Variants in DOCK9 observed in about 807,000 individuals in gnomAD.
The protein encoded by DOCK9 is dedicator of cytokinesis 9.
In DOCK9, 89 loss-of-function variants were observed where a neutral mutation model predicts 263.3. That is an observed-to-expected ratio of 0.34 (90% CI 0.28 to 0.40). The LOEUF (loss-of-function observed/expected upper bound fraction) is 0.40, where lower values mean the gene tolerates loss of function less well. DOCK9 is among the 10% of genes least tolerant of loss of function. The pLI is 1.00. For missense variants in DOCK9, 2,140 were observed against 2,603.4 expected (o/e 0.82, Z 3.87); for synonymous variants, 976 against 973.1 (o/e 1.00, Z -0.06).
chr13:98,806,853 G>C lies in DOCK9; in HGVS notation c.5514+808C>G, dbSNP rs549846782. ...GAACCCAGGAGGCAGAGATTGCAGT[G>C]AGCTGAGATAGCGCCACTGCACTCC... On this transcript the variant is annotated intron_variant, in intron 48 of 52. Transcript: ENST00000682017. Among the ~76,000 whole-genome samples the C allele has an allele frequency of 1.3e-3, 199 of 151,326 alleles. 1 individual carries two copies. The highest frequency in any genetic ancestry group is 4.5e-3 in the African/African-American group (187 of 41,228).
At chr13:98,823,641 T>G (rs1323688429) in intron 45 of DOCK9, among the ~76,000 whole-genome samples, 1 of 152,130 alleles carries the variant, frequency 6.6e-6, no homozygotes, top group Non-Finnish European at 1.5e-5. Context: ...GGGAGGCAGG[T>G]ACACACAAAG....
intron 1 of DOCK9, among the ~76,000 whole-genome samples, chr13:99,000,080 A>T (rs1881978759): frequency 6.6e-6 from 1 of 152,170 alleles, no homozygotes; most frequent in African/African-American, 2.4e-5. Context: ...TACTCAACCT[A>T]CCTGACCCCC....
At chr13:98,835,988 G>A (rs2092983958) in intron 39 of DOCK9, among the ~76,000 whole-genome samples, 1 of 151,976 alleles carries the variant, frequency 6.6e-6, no homozygotes, top group Non-Finnish European at 1.5e-5. Context: ...CGCCTGCCTT[G>A]GCCTCCCAAA....
intron 1 of DOCK9, among the ~76,000 whole-genome samples, chr13:99,029,281 A>G (rs539858406): frequency 1.8e-4 from 28 of 152,304 alleles, no homozygotes; most frequent in African/African-American, 6.5e-4. Flanking sequence ...CTAAGCTTCT[A>G]AAGATTTAAT....
At chr13:98,880,423 C>T (rs2044552344) in intron 26 of DOCK9, 124 bp downstream of exon 26, 1 of 1,276,680 alleles carries the variant, frequency 7.8e-7, no homozygotes, top group Non-Finnish European at 1.1e-6. Context: ...TCAGAGAACA[C>T]TACCCCTTTT....
At chr13:98,807,357 T>C (rs1374240553) in intron 48 of DOCK9, among the ~76,000 whole-genome samples, 1 of 152,170 alleles carries the variant, frequency 6.6e-6, no homozygotes, top group Non-Finnish European at 1.5e-5. Flanking sequence ...GTGCAGTGAG[T>C]AGCGAAGCCA....
rs139591296 is a variant in DOCK9, at chr13:98,974,034, T to C, written c.126+3750A>G. Among the ~76,000 whole-genome samples, 6 of 152,248 alleles carry C rather than the reference T, an allele frequency of 3.9e-5. No individual in the cohort carries two copies. The East Asian group carries it at 1.2e-3, about 29-fold the overall frequency. On this transcript the variant is annotated intron_variant, in intron 1 of 52. Coordinates refer to ENST00000682017, the MANE Select transcript of DOCK9 (RefSeq NM_001366683.2). The stretch of plus-strand genomic sequence containing the variant: ...TACCAGCCTCACAAAAGGAACCCAA[T>C]GAAAGGGCTGCATAAATGGCATATA...
intron 1 of DOCK9, among the ~76,000 whole-genome samples, chr13:99,022,702 G>A (rs1886259025): frequency 6.6e-6 from 1 of 152,180 alleles, no homozygotes; most frequent in South Asian, 2.1e-4. Context: ...CAGCACTTTT[G>A]GAGTCTGAGG....
chr13:98,974,573 C>T (rs915017804), intron 1 of DOCK9, among the ~76,000 whole-genome samples: 3 of 151,700 alleles, frequency 2.0e-5, no homozygotes, highest in African/African-American at 7.3e-5. Flanking sequence ...AATATGATGA[C>T]ACCACGTCTC....
intron 39 of DOCK9, among the ~76,000 whole-genome samples, chr13:98,835,523 A>G (rs1034542072): frequency 2.0e-5 from 3 of 152,168 alleles, no homozygotes; most frequent in African/African-American, 4.8e-5. Flanking sequence ...AAACCTGCAC[A>G]GAGATCACCT....
At chr13:98,939,544 C>CTTGA (rs2055470541) in intron 2 of DOCK9, among the ~76,000 whole-genome samples, 1 of 151,946 alleles carries the variant, frequency 6.6e-6, no homozygotes, top group South Asian at 2.1e-4. Context: ...AGAAATAGTA[C>CTTGA]TTGAATCTGC....
intron 1 of DOCK9, among the ~76,000 whole-genome samples, chr13:99,084,099 C>T (rs1652073688): frequency 6.6e-6 from 1 of 152,146 alleles, no homozygotes; most frequent in African/African-American, 2.4e-5. Flanking sequence ...CTTACCTCAC[C>T]TCTTAGACCT....
intron 1 of DOCK9, among the ~76,000 whole-genome samples, chr13:99,048,219 G>A (rs1397737209): frequency 6.6e-6 from 1 of 151,220 alleles, no homozygotes; most frequent in Admixed American, 6.6e-5. Context: ...TTTTGTTTCT[G>A]CCGGCTCAAA....
intron 46 of DOCK9, among the ~76,000 whole-genome samples, chr13:98,809,835 T>A (rs2091134796): frequency 6.6e-6 from 1 of 152,222 alleles, no homozygotes; most frequent in East Asian, 1.9e-4. Context: ...GACACCATTT[T>A]TTCACGCAGG....
intron 1 of DOCK9, among the ~76,000 whole-genome samples, chr13:98,997,199 C>T (rs1480422101): frequency 3.3e-5 from 5 of 152,252 alleles, no homozygotes; most frequent in African/African-American, 1.2e-4. Context: ...CTGCTGCCTG[C>T]AGGCCCACAC....
chr13:98,846,667 G>A, intron 37 of DOCK9: 2 of 739,150 alleles, frequency 2.7e-6, no homozygotes, highest in Non-Finnish European at 4.3e-6. Context: ...GACCAGGGCT[G>A]CAATGACACC....
chr13:99,025,674 G>A (rs1034126828), intron 1 of DOCK9, among the ~76,000 whole-genome samples: 4 of 152,200 alleles, frequency 2.6e-5, no homozygotes, highest in African/African-American at 4.8e-5. Flanking sequence ...CCAGGTTACC[G>A]TATGATCCAG....
intron 1 of DOCK9, among the ~76,000 whole-genome samples, chr13:99,000,906 C>T (rs1882164430): frequency 6.6e-6 from 1 of 152,130 alleles, no homozygotes; most frequent in African/African-American, 2.4e-5. Flanking sequence ...AGATGAGTGG[C>T]AGTGGAGCTC....
At chr13:99,025,930 C>T (rs957074009) in intron 1 of DOCK9, among the ~76,000 whole-genome samples, 5 of 152,138 alleles carry the variant, frequency 3.3e-5, no homozygotes, top group South Asian at 2.1e-4. Flanking sequence ...AAAGAAGCCC[C>T]GCATAAGGAT....
Sources: gnomAD v4.1 joint callset for allele counts (sites outside exome capture counted in the v4.1 genomes callset) on GRCh38, gnomAD v4.1.1 for gene constraint, MANE v1.5 for transcripts, NCBI Gene and HGNC (gene_info 2026-07-23, HGNC 2026-07-21) for gene names.